Variants in CYBRD1 observed in about 807,000 individuals in gnomAD.
CYBRD1 encodes the protein cytochrome b reductase 1.
Under a neutral mutation model 21.9 loss-of-function variants are expected in CYBRD1, and 14 were observed. The ratio of observed to expected loss-of-function variants is 0.64; its 90% confidence interval spans 0.42 to 1.00. CYBRD1 has a LOEUF of 1.00. Ranked by LOEUF, CYBRD1 falls within the 50% of genes least tolerant of loss-of-function variation. The probability of loss-of-function intolerance (pLI) is 0.00; values close to 1 mark genes in which losing one functional copy is unlikely to be tolerated. For missense variants in CYBRD1, 328 were observed against 352.5 expected (o/e 0.93, Z 0.56); for synonymous variants, 146 against 136.5 (o/e 1.07, Z -0.48).
chr2:171,534,617 C>A (rs1386215891), intron 1 of CYBRD1, among the ~76,000 whole-genome samples: 1 of 152,140 alleles, frequency 6.6e-6, no homozygotes, highest in Non-Finnish European at 1.5e-5. Context: ...TGCAGCAGAG[C>A]CTCTATGTAG....
At chr2:171,528,860 T>C (rs1697422451) in intron 1 of CYBRD1, among the ~76,000 whole-genome samples, 1 of 152,210 alleles carries the variant, frequency 6.6e-6, no homozygotes, top group South Asian at 2.1e-4. Flanking sequence ...CAGGACGAAA[T>C]TATGCAGTCA....
intron 2 of CYBRD1, among the ~76,000 whole-genome samples, chr2:171,546,570 A>G (rs564248381): frequency 1.5e-4 from 23 of 152,292 alleles, no homozygotes; most frequent in African/African-American, 5.5e-4. Context: ...TATGCCAGAT[A>G]CCTTGCTAGG....
chr2:171,538,694 A>G (rs1697582195), intron 1 of CYBRD1, among the ~76,000 whole-genome samples: 1 of 152,204 alleles, frequency 6.6e-6, no homozygotes, highest in Non-Finnish European at 1.5e-5. Flanking sequence ...AAAGCTTTAA[A>G]GAGGCTGAAT....
At chr2:171,550,953 C>T (rs903672812) in intron 2 of CYBRD1, 4 of 195,828 alleles carry the variant, frequency 2.0e-5, no homozygotes, top group East Asian at 1.0e-4. Context: ...TTTTCTTTTC[C>T]TTTCTTTTCT....
chr2:171,525,193 C>T (rs1697366953), intron 1 of CYBRD1, among the ~76,000 whole-genome samples: 1 of 152,144 alleles, frequency 6.6e-6, no homozygotes, highest in African/African-American at 2.4e-5. Context: ...CTACCTCGGC[C>T]CCCCAGACTG....
intron 1 of CYBRD1, among the ~76,000 whole-genome samples, chr2:171,538,674 T>A (rs1697581966): frequency 6.6e-6 from 1 of 152,180 alleles, no homozygotes; most frequent in Admixed American, 6.5e-5. Context: ...AAAAATGACA[T>A]CCTGTGCTGA....
chr2:171,549,919 G>A (rs1158814693), intron 2 of CYBRD1, among the ~76,000 whole-genome samples: 1 of 152,056 alleles, frequency 6.6e-6, no homozygotes, highest in Non-Finnish European at 1.5e-5. Flanking sequence ...TCTTTTGAGG[G>A]TTTTCCAGAC....
chr2:171,545,346 G>A lies in CYBRD1; in HGVS notation c.402+3553G>A, dbSNP rs1355107127. Among the ~76,000 whole-genome samples the A allele has an allele frequency of 3.4e-4, 51 of 150,060 alleles. 1 individual carries two copies. Among genetic ancestry groups the A allele is most frequent in the Admixed American group, 3.3e-3 (49 of 15,044 alleles). On this transcript the variant is annotated intron_variant, in intron 2 of 3. Transcript: ENST00000321348. ...AAATGGATGTGGAATTTTATTGAATGCTTTTGCTATCTCTGCTGAGATGAA... is the reference window on the plus strand; with the variant it reads ...AAATGGATGTGGAATTTTATTGAATACTTTTGCTATCTCTGCTGAGATGAA...
chr2:171,533,149 T>A (rs1027287272), intron 1 of CYBRD1, among the ~76,000 whole-genome samples: 1 of 152,024 alleles, frequency 6.6e-6, no homozygotes, highest in Admixed American at 6.6e-5. Flanking sequence ...GGCAGATCAC[T>A]TGAGGTCAGG....
At chr2:171,537,422 T>C (rs1237437109) in intron 1 of CYBRD1, among the ~76,000 whole-genome samples, 1 of 152,146 alleles carries the variant, frequency 6.6e-6, no homozygotes, top group African/African-American at 2.4e-5. Context: ...AGTGTTTGAG[T>C]TGACATCAAT....
upstream of CYBRD1, chr2:171,522,441 C>T (rs1180606387): frequency 1.3e-6 from 2 of 1,530,800 alleles, no homozygotes; most frequent in African/African-American, 1.4e-5. This position sits in a 1 kb window ranked among gnomAD's most constrained non-coding sequence, Gnocchi z 4.3. Flanking sequence ...CGGAGACAGC[C>T]CCAAGAAGTC....
intron 1 of CYBRD1, among the ~76,000 whole-genome samples, chr2:171,531,467 A>T (rs1697465872): frequency 2.0e-5 from 3 of 151,932 alleles, no homozygotes. Flanking sequence ...GTTTGTTTTG[A>T]TACAGGGTCT....
chr2:171,523,081 A>T, intron 1 of CYBRD1: 1 of 351,202 alleles, frequency 2.8e-6, no homozygotes, highest in Non-Finnish European at 5.4e-6. Flanking sequence ...CAAGACCCAG[A>T]AACTTGAGCC....
chr2:171,555,964 G>A lies in CYBRD1; in HGVS notation c.*1137G>A, dbSNP rs953278546. ...TAAACCTCAATTGCTGGAGTGGGGT[G>A]TAGTTATTAAAGGGATGCTTTTTAC... On this transcript the variant is annotated 3_prime_UTR_variant, in exon 4 of 4. Coordinates refer to ENST00000321348, the MANE Select transcript of CYBRD1 (RefSeq NM_024843.4). 1 of 152,192 alleles carries A rather than the reference G, an allele frequency of 6.6e-6. No individual in the cohort carries two copies. The highest frequency in any genetic ancestry group is 2.4e-5 in the African/African-American group (1 of 41,450). The allele number at this position is 152,192 out of a possible 1,614,324, so 9.4% of individuals were successfully genotyped here.
At chr2:171,530,896 G>A (rs939943831) in intron 1 of CYBRD1, among the ~76,000 whole-genome samples, 4 of 151,986 alleles carry the variant, frequency 2.6e-5, no homozygotes, top group African/African-American at 9.7e-5. Flanking sequence ...AAGATAGAGG[G>A]CCAGGCACAG....
intron 2 of CYBRD1, among the ~76,000 whole-genome samples, chr2:171,542,165 C>T (rs1697645039): frequency 6.6e-6 from 1 of 152,110 alleles, no homozygotes; most frequent in Non-Finnish European, 1.5e-5. Context: ...CGCCCAGTGA[C>T]TGTAAATGTT....
At chr2:171,541,860 T>TC (rs1697638939) in intron 2 of CYBRD1, 67 bp downstream of exon 2, 13 of 1,183,536 alleles carry the variant, frequency 1.1e-5, no homozygotes, top group South Asian at 4.2e-5. Flanking sequence ...TGTTTTCTTT[T>TC]CTTTTTTTTT....
At chr2:171,541,861 C>CTTTTTTTTTT (rs57998592) in intron 2 of CYBRD1, 68 bp downstream of exon 2, 2 of 740,774 alleles carry the variant, frequency 2.7e-6, no homozygotes, top group Non-Finnish European at 3.9e-6. Context: ...GTTTTCTTTT[C>CTTTTTTTTTT]TTTTTTTTTT....
Position 171,553,620 on chromosome 2 carries a change from T to G in CYBRD1, c.557+120T>G. On this transcript the variant is annotated intron_variant, in intron 3 of 3. Transcript: ENST00000321348. Reference sequence around the variant, plus strand: ...TTTAGATATTAAAATTAAAAAATATTTTAAAGAATTTGTTATATCATATAG... The same window carrying G: ...TTTAGATATTAAAATTAAAAAATATGTTAAAGAATTTGTTATATCATATAG... 4.4e-6 allele frequency: 4 copies of G among 910,192 alleles called. No homozygotes were observed. In the South Asian group the frequency reaches 1.2e-4, roughly 28 times the overall value. The allele number at this position is 910,192 out of a possible 1,614,324, so 56.4% of individuals were successfully genotyped here.
Sources: allele counts gnomAD v4.1 joint callset (sites outside exome capture counted in the v4.1 genomes callset), GRCh38; gene constraint gnomAD v4.1.1; non-coding constraint Gnocchi (gnomAD v3.1); transcripts MANE v1.5; gene names NCBI Gene and HGNC (gene_info 2026-07-23, HGNC 2026-07-21).